Variants in WASHC2A observed in about 807,000 individuals in gnomAD.
WASHC2A encodes WASH complex subunit 2A.
Under a neutral mutation model 140.3 loss-of-function variants are expected in WASHC2A, and 82 were observed. The observed-to-expected ratio is 0.58, with a 90% CI of 0.49 to 0.70. The LOEUF (loss-of-function observed/expected upper bound fraction) is 0.70, where lower values mean the gene tolerates loss of function less well. Ranked by LOEUF, WASHC2A falls within the 30% of genes least tolerant of loss-of-function variation. WASHC2A has a pLI of 0.00. For missense variants in WASHC2A, 985 were observed against 1,521.8 expected, an observed-to-expected ratio of 0.65 and a Z score of 5.87; for synonymous variants, 340 against 560.8, an observed-to-expected ratio of 0.61 and a Z score of 5.56.
chr10:50,109,126 C>T (rs879997436), intron 19 of WASHC2A, among the ~76,000 whole-genome samples: 1 of 151,884 alleles, frequency 6.6e-6, no homozygotes, highest in African/African-American at 2.4e-5. Flanking sequence ...AGAAAATAGG[C>T]GCGGGGCCTG....
chr10:50,110,151 G>T lies in WASHC2A; in HGVS notation c.1920G>T (p.Arg640Ser), dbSNP rs1842157316. 3 of 1,611,228 alleles carry T rather than the reference G, an allele frequency of 1.9e-6. No homozygotes were observed. The Admixed American group carries it at 5.0e-5, about 27-fold the overall frequency. Residue 640 changes from arginine to serine, a missense_variant, in exon 20 of 31, where the codon AGG (arginine) becomes AGT (serine). By Grantham distance (110) the Arg-to-Ser change is moderately radical. Coordinates refer to ENST00000282633, the MANE Select transcript of WASHC2A (RefSeq NM_001005751.3). ...ASQTHLASDS[R>S]SKGEPRDSGT... ...AGACCCACTTAGCATCTGACAGCAG[G>T]TCTAAAGGAGAACCCAGGGATTCTG...
chr10:50,119,687 C>G lies in WASHC2A; in HGVS notation c.2396C>G (p.Thr799Ser). ...WDKGTKPRTK[T>S]VLSLFDEEED... Reference sequence around the variant, plus strand: ...AAAGGAACCAAGCCTAGAACCAAAACTGTTCTTAGCTTGTTTGATGAGGAA... The same window carrying G: ...AAAGGAACCAAGCCTAGAACCAAAAGTGTTCTTAGCTTGTTTGATGAGGAA... The change falls in exon 23 of 31, where the codon ACT becomes AGT. Residue 799 changes from threonine to serine, a missense_variant. Transcript: ENST00000282633. 6.3e-7 allele frequency: 1 copy of G among 1,597,940 alleles called. No homozygotes were observed. Among genetic ancestry groups the G allele is most frequent in the Non-Finnish European group, 8.5e-7 (1 of 1,177,756 alleles).
chr10:50,098,155 A>G (rs1408920322), intron 16 of WASHC2A, among the ~76,000 whole-genome samples: 6 of 152,230 alleles, frequency 3.9e-5, no homozygotes, highest in Middle Eastern at 3.4e-3. Flanking sequence ...AGACTTCCAT[A>G]TAAGCGCAAT....
chr10:50,090,515 A>AAAAAAATATATATATATATAT (rs1214596899), intron 8 of WASHC2A, among the ~76,000 whole-genome samples: 6 of 108,762 alleles, frequency 5.5e-5, no homozygotes, highest in African/African-American at 2.0e-4. Context: ...AAAAAAAAAA[A>AAAAAAATATATATATATATAT]ATATATATAT....
At chr10:50,077,721 GC>G (rs1490329068) in intron 3 of WASHC2A, among the ~76,000 whole-genome samples, 2 of 151,906 alleles carry the variant, frequency 1.3e-5, no homozygotes, top group African/African-American at 4.8e-5. Context: ...CACCCAAGCT[GC>G]AGTGCAGTGG....
At position 50,069,585 on chromosome 10, in the gene WASHC2A, C is replaced by T; in HGVS notation, c.165C>T (p.Ile55=). Residue 55 remains isoleucine (I), a synonymous_variant, in exon 3 of 31, where the codon ATC becomes ATT. Coordinates refer to ENST00000282633, the MANE Select transcript of WASHC2A (RefSeq NM_001005751.3). ...TACAGGAATTCTCACAGCAAACTAT[C>T]TCTAGGACCCATGAAATCAAGAAAC... is the stretch of plus-strand genomic sequence containing the variant. The part of the protein sequence containing the change: ...QFLQEFSQQT[I]SRTHEIKKQV... 1 of 1,613,884 alleles carries T rather than the reference C, an allele frequency of 6.2e-7. No homozygotes were observed. Among genetic ancestry groups the T allele is most frequent in the East Asian group, 2.2e-5 (1 of 44,878 alleles).
chr10:50,125,957 T>C, intron 25 of WASHC2A, 100 bp from the exon 26 acceptor site: 1 of 1,486,392 alleles, frequency 6.7e-7, no homozygotes, highest in Non-Finnish European at 9.2e-7. Flanking sequence ...TGAGAAAGTA[T>C]TTTTAAGACT....
At chr10:50,077,592 G>A (rs1335718365) in intron 3 of WASHC2A, among the ~76,000 whole-genome samples, 6 of 151,734 alleles carry the variant, frequency 4.0e-5, no homozygotes, top group Non-Finnish European at 7.4e-5. Context: ...TTATAATCAC[G>A]GCCACTGTCT....
chr10:50,078,581 A>G, intron 3 of WASHC2A, 94 bp from the exon 4 acceptor site: 10 of 1,611,178 alleles, frequency 6.2e-6, no homozygotes, highest in Admixed American at 1.7e-5. Context: ...TTCCTTCCCC[A>G]TCTTTGTCCT....
intron 7 of WASHC2A, among the ~76,000 whole-genome samples, chr10:50,086,584 A>C (rs1316531497): frequency 1.5e-5 from 2 of 130,648 alleles, no homozygotes; most frequent in African/African-American, 2.8e-5. Flanking sequence ...TCCCAATGCT[A>C]TCCCTCCCCC....
chr10:50,104,517 C>T (rs571312666), intron 18 of WASHC2A, among the ~76,000 whole-genome samples: 8 of 151,968 alleles, frequency 5.3e-5, no homozygotes, highest in South Asian at 2.1e-4. Flanking sequence ...CCACCACTCC[C>T]GGCTAATTTT....
intron 30 of WASHC2A, among the ~76,000 whole-genome samples, chr10:50,132,368 G>C (rs1057369157): frequency 6.6e-6 from 1 of 152,224 alleles, no homozygotes; most frequent in African/African-American, 2.4e-5. Context: ...GTCTTACATC[G>C]AGATGCCTCA....
intron 13 of WASHC2A, 88 bp downstream of exon 13, chr10:50,094,005 G>A: frequency 1.9e-6 from 3 of 1,604,622 alleles, no homozygotes; most frequent in Non-Finnish European, 2.6e-6. Context: ...TTGTTCCCAA[G>A]CCTTGTTTCT....
intron 19 of WASHC2A, among the ~76,000 whole-genome samples, chr10:50,109,008 C>T (rs1842033219): frequency 6.6e-6 from 1 of 150,634 alleles, no homozygotes; most frequent in African/African-American, 2.4e-5. Context: ...TTGTGATACT[C>T]TCTAGTGGAT....
chr10:50,109,051 G>A (rs1365472064), intron 19 of WASHC2A, among the ~76,000 whole-genome samples: 39 of 151,720 alleles, frequency 2.6e-4, no homozygotes, highest in African/African-American at 9.4e-4. Context: ...ACATTGAGGA[G>A]CACTTCTCAA....
chr10:50,097,579 T>G, intron 15 of WASHC2A, 96 bp from the exon 16 acceptor site: 5 of 880,456 alleles, frequency 5.7e-6, no homozygotes, highest in Non-Finnish European at 8.5e-6. Flanking sequence ...TAACTTTTTA[T>G]GTTTATTCTT....
At position 50,132,787 on chromosome 10, in the gene WASHC2A, T is replaced by G; in HGVS notation, c.3887-19T>G. The stretch of plus-strand genomic sequence containing the variant: ...CTCCACCCCTCTTCAGCAACCGTTC[T>G]TCTTTTTTCTTTCTAAAGATGACAT... On this transcript the variant is annotated intron_variant, in intron 30 of 30. Transcript: ENST00000282633. 1 of 1,612,030 alleles carries G rather than the reference T, an allele frequency of 6.2e-7. No individual in the cohort carries two copies. Among genetic ancestry groups the G allele is most frequent in the South Asian group, 1.1e-5 (1 of 90,992 alleles).
intron 8 of WASHC2A, among the ~76,000 whole-genome samples, chr10:50,089,931 G>A (rs1251655165): frequency 3.3e-5 from 5 of 151,986 alleles, no homozygotes; most frequent in African/African-American, 4.8e-5. Context: ...CCAACATGGT[G>A]AAACCCCGTC....
intron 17 of WASHC2A, among the ~76,000 whole-genome samples, chr10:50,102,548 A>G (rs1554887186): frequency 6.6e-6 from 1 of 151,984 alleles, no homozygotes; most frequent in Non-Finnish European, 1.5e-5. Flanking sequence ...GGCCTCTTCT[A>G]TCTAAATAAA....
Sources: gnomAD v4.1 joint callset for allele counts (sites outside exome capture counted in the v4.1 genomes callset) on GRCh38, gnomAD v4.1.1 for gene constraint, MANE v1.5 for transcripts, NCBI Gene and HGNC (gene_info 2026-07-23, HGNC 2026-07-21) for gene names.